The following TF variants were observed in gnomAD, a reference collection of about 807,000 sequenced individuals.
TF encodes the protein transferrin, also known as serotransferrin.
TF carries 55 observed loss-of-function variants against 82.4 expected under a neutral mutation model. That is an observed-to-expected ratio of 0.67 (90% CI 0.54 to 0.84). The LOEUF is 0.84. Ranked by LOEUF, TF falls within the 40% of genes least tolerant of loss-of-function variation. The pLI is 0.00. For missense variants in TF, 737 were observed against 868.4 expected, an observed-to-expected ratio of 0.85 and a Z score of 1.90; for synonymous variants, 332 against 332.6, an observed-to-expected ratio of 1.00 and a Z score of 0.02.
chr3:133,742,336 C>T (rs1190185056), upstream of TF, among the ~76,000 whole-genome samples: 2 of 152,100 alleles, frequency 1.3e-5, no homozygotes, highest in Non-Finnish European at 2.9e-5. Context: ...GACTATTCTT[C>T]ATGAGACAGG....
Position 133,748,396 on chromosome 3 carries a change from G to A in TF, c.44-16G>A, listed in dbSNP as rs1933565358. The stretch of plus-strand genomic sequence containing the variant: ...ATAGGGAGTGGGCCCTTCCACCTCT[G>A]GCCTCTCTCCCCCAGGGCTGTGTCT... On this transcript the variant is annotated splice_polypyrimidine_tract_variant and intron_variant, in intron 1 of 16. Transcript: ENST00000402696. 6.2e-7 allele frequency: 1 copy of A among 1,613,930 alleles called. No individual in the cohort carries two copies.
chr3:133,670,364 C>T, the TF span, among the ~76,000 whole-genome samples: 2 of 152,334 alleles, frequency 1.3e-5, no homozygotes, highest in Admixed American at 1.3e-4. Context: ...AGTTTTAAAA[C>T]TGTTTTCCAC....
chr3:133,684,033 T>C, the TF span, among the ~76,000 whole-genome samples: 1 of 152,136 alleles, frequency 6.6e-6, no homozygotes, highest in Non-Finnish European at 1.5e-5. Flanking sequence ...AAACTAGAAC[T>C]CAGGATTAAG....
At chr3:133,743,767 G>T (rs1204950910), upstream of TF, among the ~76,000 whole-genome samples, 1 of 152,168 alleles carries the variant, frequency 6.6e-6, no homozygotes, top group Non-Finnish European at 1.5e-5. Flanking sequence ...GAATATAAAT[G>T]AGAGCACAGG....
chr3:133,767,209 G>T (rs933395160), intron 12 of TF, among the ~76,000 whole-genome samples: 3 of 152,060 alleles, frequency 2.0e-5, no homozygotes, highest in Non-Finnish European at 4.4e-5. Flanking sequence ...CATTTTCTAT[G>T]TCCTCTGAAT....
intron 13 of TF, among the ~76,000 whole-genome samples, chr3:133,769,404 T>C (rs1298159280): frequency 6.6e-6 from 1 of 152,214 alleles, no homozygotes; most frequent in Non-Finnish European, 1.5e-5. Context: ...TGATAACATA[T>C]GTTTGAGAAT....
the TF span, chr3:133,709,496 G>A: frequency 6.5e-6 from 1 of 152,866 alleles, no homozygotes; most frequent in African/African-American, 2.4e-5. Context: ...ATTGCATCTT[G>A]GTATTTCAAT....
chr3:133,745,098 C>T (rs6765211), upstream of TF, among the ~76,000 whole-genome samples: 1,002 of 152,274 alleles, frequency 6.6e-3, 12 homozygotes, highest in African/African-American at 0.023. Context: ...CCAACCTTCA[C>T]GAGATGCACA....
intron 2 of TF, among the ~76,000 whole-genome samples, chr3:133,750,158 G>A (rs1933619523): frequency 6.6e-6 from 1 of 152,164 alleles, no homozygotes; most frequent in South Asian, 2.1e-4. Context: ...AGGGAGGTCA[G>A]GGGCCTATCA....
chr3:133,749,017 T>C (rs934702382), intron 2 of TF, among the ~76,000 whole-genome samples: 2 of 152,032 alleles, frequency 1.3e-5, no homozygotes, highest in African/African-American at 4.8e-5. Context: ...AAAAATTAGC[T>C]GGGCATGGTG....
At chr3:133,681,050 T>C in the TF span, among the ~76,000 whole-genome samples, 1 of 152,232 alleles carries the variant, frequency 6.6e-6, no homozygotes, top group South Asian at 2.1e-4. Context: ...TAAATAACGT[T>C]TTGCCTAAAT....
At chr3:133,682,705 T>C in the TF span, among the ~76,000 whole-genome samples, 96 of 151,918 alleles carry the variant, frequency 6.3e-4, no homozygotes, top group Non-Finnish European at 1.2e-3. Flanking sequence ...AATATGGGAC[T>C]ATGTGAAAAG....
chr3:133,757,190 G>A (rs979106002), intron 7 of TF, among the ~76,000 whole-genome samples, 181 bp downstream of exon 7: 1 of 152,224 alleles, frequency 6.6e-6, no homozygotes, highest in Non-Finnish European at 1.5e-5. Flanking sequence ...GGAGCCTGCT[G>A]TGGTGCTACC....
the TF span, among the ~76,000 whole-genome samples, chr3:133,671,150 A>T: frequency 6.6e-6 from 1 of 152,244 alleles, no homozygotes; most frequent in Non-Finnish European, 1.5e-5. Context: ...AAAACTTAAT[A>T]TCTTACAGTT....
chr3:133,789,919 C>A lies in TF; in HGVS notation c.*11299C>A, dbSNP rs1221271269. 1.9e-5 allele frequency: 2 copies of A among 106,996 alleles called. No homozygotes were observed. Among genetic ancestry groups the A allele is most frequent in the Admixed American group, 1.2e-4 (1 of 8,122 alleles). The allele number at this position is 106,996 out of a possible 1,614,324, so 6.6% of individuals were successfully genotyped here. A position where few individuals can be genotyped will look rare whatever the true frequency, so the allele number is the denominator to read the frequency against. On this transcript the variant is annotated 3_prime_UTR_variant, in exon 17 of 17. Transcript: ENST00000402696. ...TTTTTTTTTTTTTTTGACAAATGAG[C>A]ATAATTTAATGTTAGCTAAATCTTC...
chr3:133,754,730 CA>C (rs1200497576), intron 4 of TF, 59 bp downstream of exon 4: 1 of 1,558,664 alleles, frequency 6.4e-7, no homozygotes, highest in African/African-American at 1.4e-5. Context: ...GATGCCCACA[CA>C]GGCTGCACTA....
intron 2 of TF, among the ~76,000 whole-genome samples, chr3:133,749,524 G>C (rs1449494209): frequency 6.6e-6 from 1 of 152,218 alleles, no homozygotes; most frequent in Non-Finnish European, 1.5e-5. Context: ...GAGGGAAAAA[G>C]GAGAGTGTTC....
the TF span, among the ~76,000 whole-genome samples, chr3:133,706,379 G>C: frequency 6.6e-6 from 1 of 152,148 alleles, no homozygotes; most frequent in Admixed American, 6.5e-5. Flanking sequence ...CCACTAGGAG[G>C]CAAGTTCCTC....
At chr3:133,696,090 G>A in the TF span, among the ~76,000 whole-genome samples, 1 of 152,118 alleles carries the variant, frequency 6.6e-6, no homozygotes, top group Non-Finnish European at 1.5e-5. Flanking sequence ...GAGAGAGAGA[G>A]GCCATATTCA....
Sources: gnomAD v4.1 joint callset for allele counts (sites outside exome capture counted in the v4.1 genomes callset) on GRCh38, gnomAD v4.1.1 for gene constraint, MANE v1.5 for transcripts, NCBI Gene and HGNC (gene_info 2026-07-23, HGNC 2026-07-21) for gene names.